Variants in UNC80 observed in about 807,000 individuals in gnomAD.
UNC80 encodes unc-80 subunit of NALCN channel complex.
UNC80 carries 164 observed loss-of-function variants against 384.6 expected under a neutral mutation model. The ratio of observed to expected loss-of-function variants is 0.43; its 90% confidence interval spans 0.38 to 0.49. UNC80 has a LOEUF of 0.49. UNC80 is among the 20% of genes least tolerant of loss of function. UNC80 has a pLI of 0.00. For synonymous variants in UNC80, 1,486 were observed against 1,527.8 expected, an observed-to-expected ratio of 0.97 and a Z score of 0.64; for missense variants, 3,330 against 4,143.0, an observed-to-expected ratio of 0.80 and a Z score of 5.39.
intron 22 of UNC80, among the ~76,000 whole-genome samples, chr2:209,871,222 T>C (rs1182582751): frequency 6.6e-6 from 1 of 152,236 alleles, no homozygotes; most frequent in Non-Finnish European, 1.5e-5. Context: ...AATTATCTTT[T>C]ACTAAGATTT....
intron 22 of UNC80, among the ~76,000 whole-genome samples, chr2:209,864,027 T>C (rs928509404): frequency 7.2e-6 from 1 of 138,210 alleles, no homozygotes; most frequent in Non-Finnish European, 1.5e-5. Flanking sequence ...TGTGGGGGCT[T>C]TTGTGTTGTT....
chr2:209,888,790 A>T (rs530903351), intron 26 of UNC80, among the ~76,000 whole-genome samples: 3 of 151,654 alleles, frequency 2.0e-5, no homozygotes, highest in African/African-American at 7.3e-5. Context: ...TAATTTTTGT[A>T]TTTTTTTTCT....
chr2:209,977,922 G>A (rs1158910992), intron 58 of UNC80, among the ~76,000 whole-genome samples: 5 of 152,148 alleles, frequency 3.3e-5, no homozygotes, highest in Admixed American at 3.3e-4. Flanking sequence ...TCTTTTGAAA[G>A]CTTTTATTGT....
chr2:209,866,525 C>T (rs866111690), intron 22 of UNC80, among the ~76,000 whole-genome samples: 97 of 110,198 alleles, frequency 8.8e-4, no homozygotes, highest in East Asian at 1.9e-3. Flanking sequence ...CACACACACA[C>T]ACACACACAG....
At chr2:209,790,197 C>T (rs770501775) in intron 6 of UNC80, among the ~76,000 whole-genome samples, 3 of 152,020 alleles carry the variant, frequency 2.0e-5, no homozygotes, top group Non-Finnish European at 2.9e-5. Context: ...GAATGAAGTC[C>T]GGAGTAATTG....
chr2:209,866,687 G>C (rs2083858547), intron 22 of UNC80, among the ~76,000 whole-genome samples: 1 of 152,056 alleles, frequency 6.6e-6, no homozygotes, highest in Non-Finnish European at 1.5e-5. Flanking sequence ...TAAGTTTCAA[G>C]TACTACATTT....
chr2:209,945,265 T>C (rs891112421), intron 46 of UNC80, 76 bp downstream of exon 46: 2 of 1,378,086 alleles, frequency 1.5e-6, no homozygotes, highest in African/African-American at 2.9e-5. Context: ...TATACACACA[T>C]ACACGTATAT....
rs2370837 is a variant in UNC80 at position 209,864,038 on chromosome 2, G to T, written c.3628-8720G>T. Among the ~76,000 whole-genome samples the T allele has an allele frequency of 8.5e-3, 1,292 of 151,888 alleles. 16 individuals are homozygous for T. The highest frequency in any genetic ancestry group is 0.03 in the African/African-American group (1,250 of 41,376). On this transcript the variant is annotated intron_variant, in intron 22 of 64. Transcript: ENST00000673920. The stretch of plus-strand genomic sequence containing the variant: ...TTTTTGTGGGGGCTTTTGTGTTGTT[G>T]TTGATGATGATGCTGTTGTTGTTGC...
intron 28 of UNC80, among the ~76,000 whole-genome samples, chr2:209,900,096 A>G (rs750856365): frequency 1.5e-4 from 23 of 152,216 alleles, no homozygotes; most frequent in Non-Finnish European, 1.6e-4. Context: ...TTCTCTCCAC[A>G]TCATACCCTT....
At chr2:209,833,512 C>A (rs1329022317) in intron 16 of UNC80, among the ~76,000 whole-genome samples, 2 of 152,184 alleles carry the variant, frequency 1.3e-5, no homozygotes, top group Non-Finnish European at 2.9e-5. Flanking sequence ...CAAAACACAT[C>A]ATCCTTTGAA....
intron 22 of UNC80, among the ~76,000 whole-genome samples, chr2:209,865,527 G>A (rs1025865318): frequency 1.3e-5 from 2 of 151,590 alleles, no homozygotes; most frequent in South Asian, 4.2e-4. Flanking sequence ...GCGTGAACCC[G>A]GGAGGCGGAG....
intron 18 of UNC80, among the ~76,000 whole-genome samples, chr2:209,838,426 T>A (rs2081495980): frequency 6.6e-6 from 1 of 152,160 alleles, no homozygotes; most frequent in Non-Finnish European, 1.5e-5. Flanking sequence ...TACTCAAAAA[T>A]CCCCTTGCAG....
chr2:209,804,628 T>C (rs904122458), intron 7 of UNC80, among the ~76,000 whole-genome samples: 1 of 152,046 alleles, frequency 6.6e-6, no homozygotes, highest in Non-Finnish European at 1.5e-5. Context: ...TTCTATTTTG[T>C]GCTTCTGTTG....
chr2:209,882,267 G>C (rs547788656), intron 25 of UNC80, among the ~76,000 whole-genome samples: 2 of 151,936 alleles, frequency 1.3e-5, no homozygotes, highest in East Asian at 3.9e-4. Context: ...GCCTGGCCAC[G>C]TTTCCTCCTT....
At chr2:209,992,514 A>T (rs2093411599) in intron 62 of UNC80, among the ~76,000 whole-genome samples, 1 of 152,206 alleles carries the variant, frequency 6.6e-6, no homozygotes, top group Admixed American at 6.5e-5. Context: ...ACCCTACCTA[A>T]AATAAGCAGC....
At chr2:209,808,800 C>CTACTCAGCGACCTCGTTGCCTCGGCT in intron 7 of UNC80, 1 of 25,174 alleles carries the variant, frequency 4.0e-5, no homozygotes, top group South Asian at 2.2e-4. Context: ...TTGCCTCTGC[C>CTACTCAGCGACCTCGTTGCCTCGGCT]ACCATGCCGC....
intron 25 of UNC80, among the ~76,000 whole-genome samples, chr2:209,887,839 T>A (rs1405759583): frequency 6.6e-6 from 1 of 152,162 alleles, no homozygotes; most frequent in Non-Finnish European, 1.5e-5. Flanking sequence ...GTTTTGGATT[T>A]GGATCAAGGC....
chr2:209,832,451 C>T (rs1325460797), intron 16 of UNC80, among the ~76,000 whole-genome samples: 2 of 152,134 alleles, frequency 1.3e-5, no homozygotes, highest in African/African-American at 2.4e-5. Flanking sequence ...CTCTATCCTA[C>T]CAGTCTGTTA....
intron 24 of UNC80, among the ~76,000 whole-genome samples, chr2:209,878,321 T>G (rs2084961502): frequency 1.3e-5 from 2 of 152,304 alleles, no homozygotes; most frequent in Middle Eastern, 3.4e-3. Flanking sequence ...GCAGGCAAGA[T>G]GGAACATTTA....
Sources: gnomAD v4.1 joint callset for allele counts (sites outside exome capture counted in the v4.1 genomes callset) on GRCh38, gnomAD v4.1.1 for gene constraint, MANE v1.5 for transcripts, NCBI Gene and HGNC (gene_info 2026-07-23, HGNC 2026-07-21) for gene names.